ADAD1: variants seen among roughly 807,000 people sequenced by gnomAD.
ADAD1 encodes the protein adenosine deaminase domain-containing protein 1.
A neutral mutation model predicts 66.8 loss-of-function variants in ADAD1; 46 were observed. That is an observed-to-expected ratio of 0.69 (90% CI 0.54 to 0.88). ADAD1 has a LOEUF of 0.88. ADAD1 is among the 40% of genes least tolerant of loss of function. The pLI, the probability that ADAD1 is intolerant of heterozygous loss-of-function variation, is 0.00. For synonymous variants in ADAD1, 248 were observed against 229.4 expected, an observed-to-expected ratio of 1.08 and a Z score of -0.73; for missense variants, 617 against 681.8, an observed-to-expected ratio of 0.91 and a Z score of 1.06.
At chr4:122,428,993 T>C (rs1205029932) in intron 12 of ADAD1, among the ~76,000 whole-genome samples, 1 of 152,196 alleles carries the variant, frequency 6.6e-6, no homozygotes, top group African/African-American at 2.4e-5. Context: ...TAATGGTGGC[T>C]ATCTACCACC....
intron 4 of ADAD1, among the ~76,000 whole-genome samples, chr4:122,382,614 T>A (rs779516839): frequency 4.6e-5 from 7 of 152,076 alleles, no homozygotes; most frequent in African/African-American, 9.7e-5. Flanking sequence ...AGAAGGAGTC[T>A]CACTATATTG....
intron 8 of ADAD1, among the ~76,000 whole-genome samples, chr4:122,409,005 C>G (rs1362457950): frequency 6.6e-6 from 1 of 152,170 alleles, no homozygotes; most frequent in East Asian, 1.9e-4. Flanking sequence ...TATTTCACCC[C>G]TGAATTAGCC....
At chr4:122,412,516 A>G (rs2086346) in intron 9 of ADAD1, 64 bp from the exon 10 acceptor site, 387,690 of 1,303,190 alleles carry the variant, frequency 0.3, 62,400 homozygotes, top group South Asian at 0.5. Context: ...GCTGTTAGGT[A>G]CAGGTAGATT....
In ADAD1 at chr4:122,379,402, A is replaced by G. The variant is rs900641866; in HGVS notation, c.-52A>G. ...GCAAGACGCGGAGCTCGGCTGCACG[A>G]CGCTGGCGCAAGCGCGGGGGCAAGA... On this transcript the variant is annotated 5_prime_UTR_variant, in exon 2 of 13. Transcript: ENST00000296513. The G allele has an allele frequency of 6.6e-6, 1 of 152,432 alleles. No individual in the cohort carries two copies. The highest frequency in any genetic ancestry group is 1.9e-4 in the East Asian group (1 of 5,292). The allele number at this position is 152,432 out of a possible 1,614,324, so 9.4% of individuals were successfully genotyped here. A position where few individuals can be genotyped will look rare whatever the true frequency, so the allele number is the denominator to read the frequency against.
intron 10 of ADAD1, among the ~76,000 whole-genome samples, chr4:122,414,886 T>C (rs1330472955): frequency 1.3e-5 from 2 of 152,112 alleles, no homozygotes; most frequent in Non-Finnish European, 2.9e-5. Context: ...TAACCAGAAA[T>C]GGTCATTCTT....
intron 2 of ADAD1, 77 bp from the exon 3 acceptor site, chr4:122,379,985 G>T (rs770580458): frequency 2.2e-6 from 3 of 1,374,178 alleles, no homozygotes; most frequent in East Asian, 4.8e-5. Context: ...ATAATGGGGG[G>T]GTGGGGTTTG....
intron 5 of ADAD1, 47 bp downstream of exon 5, chr4:122,384,013 A>G (rs368995636): frequency 6.1e-5 from 89 of 1,460,108 alleles, no homozygotes; most frequent in East Asian, 2.8e-4. Flanking sequence ...ATCATTTTTC[A>G]AAAGGAATCA....
intron 12 of ADAD1, among the ~76,000 whole-genome samples, chr4:122,427,954 T>C (rs370635176): frequency 6.6e-5 from 10 of 152,184 alleles, no homozygotes; most frequent in African/African-American, 2.4e-4. Flanking sequence ...AATAGAAATA[T>C]AGATCAGTGG....
At chr4:122,407,304 A>AG (rs1385725863) in intron 7 of ADAD1, among the ~76,000 whole-genome samples, 2 of 152,192 alleles carry the variant, frequency 1.3e-5, no homozygotes, top group Admixed American at 1.3e-4. Flanking sequence ...AGAATGTGAG[A>AG]GGAAAAAAGA....
intron 4 of ADAD1, among the ~76,000 whole-genome samples, chr4:122,383,030 G>A (rs1034347598): frequency 6.6e-6 from 1 of 152,056 alleles, no homozygotes; most frequent in Non-Finnish European, 1.5e-5. Context: ...GATTCCTAAA[G>A]GCCTCCTAAA....
chr4:122,382,014 G>T (rs77381875), intron 4 of ADAD1, among the ~76,000 whole-genome samples: 1 of 152,168 alleles, frequency 6.6e-6, no homozygotes. Flanking sequence ...GTTTCAGTCT[G>T]TTGTTTTAGG....
At chr4:122,384,108 C>A in intron 5 of ADAD1, 142 bp downstream of exon 5, 1 of 773,898 alleles carries the variant, frequency 1.3e-6, no homozygotes, top group Non-Finnish European at 2.0e-6. Flanking sequence ...CAGTTGCTGT[C>A]CACTGATGTA....
intron 11 of ADAD1, 38 bp downstream of exon 11, chr4:122,415,654 A>G: frequency 6.5e-7 from 1 of 1,534,850 alleles, no homozygotes; most frequent in Non-Finnish European, 8.9e-7. Flanking sequence ...TATATTACTT[A>G]AGCAAAAGAA....
intron 12 of ADAD1, among the ~76,000 whole-genome samples, chr4:122,428,431 A>C (rs1797354698): frequency 6.6e-6 from 1 of 152,166 alleles, no homozygotes; most frequent in South Asian, 2.1e-4. Flanking sequence ...CAGCAATTCC[A>C]CCGGTATTTA....
At chr4:122,420,791 A>G (rs1208653687) in intron 11 of ADAD1, among the ~76,000 whole-genome samples, 1 of 152,240 alleles carries the variant, frequency 6.6e-6, no homozygotes, top group African/African-American at 2.4e-5. Flanking sequence ...AAGGCTTGTG[A>G]CATAGGTTAT....
At position 122,421,404 on chromosome 4, in the gene ADAD1, G is replaced by A; in HGVS notation, c.1617+14G>A. 1 of 1,522,914 alleles carries A rather than the reference G, an allele frequency of 6.6e-7. No homozygotes were observed. The allele number at this position is 1,522,914 out of a possible 1,614,324, so 94.3% of individuals were successfully genotyped here. A position where few individuals can be genotyped will look rare whatever the true frequency, so the allele number is the denominator to read the frequency against. On this transcript the variant is annotated intron_variant, in intron 12 of 12. Coordinates refer to ENST00000296513, the MANE Select transcript of ADAD1 (RefSeq NM_139243.4). ...CATGCAGCTAAGGTAAGTCCTTAAAGGAATAAAGTTATCATAGGAATAAAA... is the reference window on the plus strand; with the variant it reads ...CATGCAGCTAAGGTAAGTCCTTAAAAGAATAAAGTTATCATAGGAATAAAA...
intron 5 of ADAD1, among the ~76,000 whole-genome samples, chr4:122,389,319 G>A (rs1795328150): frequency 2.0e-5 from 3 of 152,154 alleles, no homozygotes; most frequent in Admixed American, 2.0e-4. Context: ...GTGGCACTGA[G>A]AAGAATGTAT....
rs996067392 is a variant in ADAD1, at chr4:122,429,742, T to C, written c.*3T>C. ...GCATAGAGCAATTTAACATGTGAAA[T>C]AGGCAATCCATTATCACATTAAAAA... is the stretch of plus-strand genomic sequence containing the variant. On this transcript the variant is annotated 3_prime_UTR_variant, in exon 13 of 13. Transcript: ENST00000296513. 19 of 1,565,630 alleles carry C rather than the reference T, an allele frequency of 1.2e-5. No homozygotes were observed. The highest frequency in any genetic ancestry group is 1.7e-5 in the Non-Finnish European group (19 of 1,139,770).
intron 7 of ADAD1, among the ~76,000 whole-genome samples, chr4:122,403,491 C>A (rs1039632330): frequency 1.3e-5 from 2 of 152,148 alleles, no homozygotes; most frequent in African/African-American, 4.8e-5. Context: ...GTGAAGTTGT[C>A]ACATGGACAG....
Sources: allele counts gnomAD v4.1 joint callset (sites outside exome capture counted in the v4.1 genomes callset), GRCh38; gene constraint gnomAD v4.1.1; transcripts MANE v1.5; gene names NCBI Gene and HGNC (gene_info 2026-07-23, HGNC 2026-07-21).